PRKN: variants seen among roughly 807,000 people sequenced by gnomAD.
The protein encoded by PRKN is parkin RBR E3 ubiquitin protein ligase, also known as E3 ubiquitin-protein ligase parkin.
PRKN carries 56 observed loss-of-function variants against 59.5 expected under a neutral mutation model. The observed-to-expected ratio is 0.94, with a 90% CI of 0.76 to 1.18. The LOEUF is 1.18. Ranked by LOEUF, PRKN falls within the 50% of genes most tolerant of loss-of-function variation. The pLI, the probability that PRKN is intolerant of heterozygous loss-of-function variation, is 0.00. For synonymous variants in PRKN, 250 were observed against 222.1 expected, an observed-to-expected ratio of 1.13 and a Z score of -1.12; for missense variants, 657 against 596.4, an observed-to-expected ratio of 1.10 and a Z score of -1.06.
At chr6:161,953,132 G>C (rs1305816106) in intron 6 of PRKN, among the ~76,000 whole-genome samples, 1 of 151,782 alleles carries the variant, frequency 6.6e-6, no homozygotes, top group Non-Finnish European at 1.5e-5. Flanking sequence ...TATTTATTTA[G>C]ATGGAGTCTT....
intron 6 of PRKN, among the ~76,000 whole-genome samples, chr6:161,868,570 G>C (rs774395295): frequency 6.6e-6 from 1 of 152,014 alleles, no homozygotes; most frequent in Non-Finnish European, 1.5e-5. Context: ...GAGAGAGTGA[G>C]ACTCTGTCTC....
intron 5 of PRKN, among the ~76,000 whole-genome samples, chr6:161,983,795 T>C (rs1194839861): frequency 1.9e-5 from 2 of 104,914 alleles, no homozygotes; most frequent in East Asian, 2.5e-4. Context: ...TTGGGAGATA[T>C]ACCTAATGCT....
intron 1 of PRKN, among the ~76,000 whole-genome samples, chr6:162,678,635 T>C (rs1779647820): frequency 6.6e-6 from 1 of 152,248 alleles, no homozygotes. Context: ...GTCTATGTTT[T>C]ATTGGGTTGT....
chr6:161,607,906 A>C (rs1782342642), intron 7 of PRKN, among the ~76,000 whole-genome samples: 1 of 152,192 alleles, frequency 6.6e-6, no homozygotes, highest in Non-Finnish European at 1.5e-5. Flanking sequence ...CAGGAACAAG[A>C]ATCAGAATGG....
chr6:162,187,540 C>A (rs1490885035), intron 4 of PRKN, among the ~76,000 whole-genome samples: 1 of 152,128 alleles, frequency 6.6e-6, no homozygotes, highest in Non-Finnish European at 1.5e-5. Context: ...ATACACCACC[C>A]CTCCAGCAAG....
chr6:161,450,240 C>T (rs1042969214), intron 9 of PRKN, among the ~76,000 whole-genome samples: 3 of 152,164 alleles, frequency 2.0e-5, no homozygotes, highest in Non-Finnish European at 4.4e-5. Flanking sequence ...AGACGCTGAG[C>T]CTTAGGGACC....
At chr6:162,541,383 A>C (rs1778920882) in intron 1 of PRKN, among the ~76,000 whole-genome samples, 1 of 152,208 alleles carries the variant, frequency 6.6e-6, no homozygotes, top group African/African-American at 2.4e-5. Context: ...AGGGAGGGCA[A>C]AGGCAGGGGC....
intron 10 of PRKN, among the ~76,000 whole-genome samples, chr6:161,381,508 C>A (rs1785983389): frequency 6.6e-6 from 1 of 152,136 alleles, no homozygotes. Context: ...ATATCCCAAG[C>A]AAATTATTAT....
At chr6:161,511,194 T>C (rs1389513241) in intron 9 of PRKN, among the ~76,000 whole-genome samples, 1 of 152,210 alleles carries the variant, frequency 6.6e-6, no homozygotes, top group African/African-American at 2.4e-5. Context: ...AACAATCACC[T>C]GAAGAGATTG....
intron 2 of PRKN, among the ~76,000 whole-genome samples, chr6:162,365,751 C>A (rs1785404880): frequency 6.6e-6 from 1 of 151,998 alleles, no homozygotes; most frequent in South Asian, 2.1e-4. Context: ...TCTTTTATAC[C>A]TTCTCGGTTT....
chr6:162,208,791 C>T (rs1280691902), intron 3 of PRKN, among the ~76,000 whole-genome samples: 4 of 152,132 alleles, frequency 2.6e-5, no homozygotes, highest in Admixed American at 6.5e-5. Flanking sequence ...ACCATCAATG[C>T]TGCAGATAAT....
chr6:162,581,599 A>G (rs892155909), intron 1 of PRKN, among the ~76,000 whole-genome samples: 2 of 152,216 alleles, frequency 1.3e-5, no homozygotes, highest in Non-Finnish European at 1.5e-5. Flanking sequence ...CGTCTCTACT[A>G]AAAATACAAA....
intron 2 of PRKN, among the ~76,000 whole-genome samples, chr6:162,392,102 T>C (rs1432868990): frequency 3.9e-5 from 6 of 152,156 alleles, no homozygotes; most frequent in Admixed American, 6.5e-5. Flanking sequence ...CCTGTTTTCA[T>C]TGCTAATCCA....
chr6:161,723,203 A>G (rs1220495833), intron 7 of PRKN, among the ~76,000 whole-genome samples: 1 of 151,690 alleles, frequency 6.6e-6, no homozygotes, highest in Non-Finnish European at 1.5e-5. Flanking sequence ...CAGGAGGCAG[A>G]GTTTGCAGTG....
intron 8 of PRKN, among the ~76,000 whole-genome samples, chr6:161,564,674 A>G (rs971420911): frequency 2.6e-5 from 4 of 152,008 alleles, no homozygotes; most frequent in African/African-American, 9.7e-5. Flanking sequence ...ATTTCAACCC[A>G]TCAGCCTACA....
chr6:161,693,618 G>A (rs924728908), intron 7 of PRKN, among the ~76,000 whole-genome samples: 1 of 152,172 alleles, frequency 6.6e-6, no homozygotes, highest in African/African-American at 2.4e-5. Context: ...TCTAATATTG[G>A]AAAAGTCACA....
chr6:161,512,442 GAGA>G (rs1778428141), intron 9 of PRKN, among the ~76,000 whole-genome samples: 1 of 152,196 alleles, frequency 6.6e-6, no homozygotes, highest in African/African-American at 2.4e-5. Context: ...AATTCATGCG[GAGA>G]AGTATTGAAC....
At chr6:162,651,750 A>G (rs1893540) in intron 1 of PRKN, among the ~76,000 whole-genome samples, 12,103 of 152,188 alleles carry the variant, frequency 0.08, 654 homozygotes, top group East Asian at 0.29. Flanking sequence ...AAGCAACTTT[A>G]GGCAGTGCTG....
chr6:162,651,710 C>T (rs1406191354), intron 1 of PRKN, among the ~76,000 whole-genome samples: 4 of 152,098 alleles, frequency 2.6e-5, no homozygotes, highest in South Asian at 2.1e-4. Context: ...TCTCAGGTTA[C>T]GTAAGTGGAT....
Sources: allele counts gnomAD v4.1 joint callset (sites outside exome capture counted in the v4.1 genomes callset), GRCh38; gene constraint gnomAD v4.1.1; transcripts MANE v1.5; gene names NCBI Gene and HGNC (gene_info 2026-07-23, HGNC 2026-07-21).